The following R3HCC1L variants were observed in gnomAD, a reference collection of about 807,000 sequenced individuals.
R3HCC1L encodes the protein R3H domain and coiled-coil containing 1 like, also known as coiled-coil domain-containing protein R3HCC1L.
Under a neutral mutation model 59.9 loss-of-function variants are expected in R3HCC1L, and 51 were observed. The ratio of observed to expected loss-of-function variants is 0.85; its 90% CI spans 0.68 to 1.07. The LOEUF (loss-of-function observed/expected upper bound fraction) is 1.07, where lower values mean the gene tolerates loss of function less well. Among genes scored for constraint, R3HCC1L ranks in the 50% least tolerant of loss-of-function variants. The pLI is 0.00. For synonymous variants in R3HCC1L, 322 were observed against 315.2 expected, an observed-to-expected ratio of 1.02 and a Z score of -0.23; for missense variants, 965 against 933.0, an observed-to-expected ratio of 1.03 and a Z score of -0.45.
chr10:98,198,862 A>T (rs1308789320), intron 4 of R3HCC1L, among the ~76,000 whole-genome samples: 1 of 152,230 alleles, frequency 6.6e-6, no homozygotes, highest in East Asian at 1.9e-4. Flanking sequence ...ACCAGTGCTA[A>T]CCCATTAGAA....
chr10:98,174,981 C>T (rs568725061), intron 4 of R3HCC1L, among the ~76,000 whole-genome samples: 6 of 152,154 alleles, frequency 3.9e-5, no homozygotes, highest in South Asian at 4.2e-4. Context: ...TGTATCTACC[C>T]GAGTGCAGTG....
At chr10:98,149,175 A>G (rs966399218) in intron 1 of R3HCC1L, among the ~76,000 whole-genome samples, 1 of 152,100 alleles carries the variant, frequency 6.6e-6, no homozygotes, top group Non-Finnish European at 1.5e-5. Context: ...AATAGTCTCT[A>G]ATGATTCTTT....
chr10:98,181,704 T>C (rs1303173975), intron 4 of R3HCC1L, among the ~76,000 whole-genome samples: 1 of 152,176 alleles, frequency 6.6e-6, no homozygotes, highest in Non-Finnish European at 1.5e-5. Context: ...TCCTGGAGCC[T>C]TTGTTCATTT....
intron 4 of R3HCC1L, among the ~76,000 whole-genome samples, chr10:98,201,535 C>T (rs1852046215): frequency 6.6e-6 from 1 of 152,198 alleles, no homozygotes; most frequent in Non-Finnish European, 1.5e-5. Context: ...TATTTTCCTT[C>T]CGTACCCTCC....
intron 4 of R3HCC1L, among the ~76,000 whole-genome samples, chr10:98,203,097 GTTAAA>G (rs893764550): frequency 1.3e-5 from 2 of 152,144 alleles, no homozygotes; most frequent in African/African-American, 4.8e-5. Context: ...TTATATTAGT[GTTAAA>G]TATGCTGACT....
Position 98,231,654 on chromosome 10 carries a change from C to G in R3HCC1L, c.1928C>G (p.Thr643Ser). ...TATGACTTTCCCCAAGAATTTCATA[C>G]TGAAGACCTTCTACGGGTTTTCTGC... ...EIYDFPQEFH[T>S]EDLLRVFCSY... The change falls in exon 6 of 10, where the codon ACT (threonine) becomes AGT (serine). Residue 643 changes from threonine to serine, a missense_variant. Transcript: ENST00000298999. The G allele has an allele frequency of 6.2e-7, 1 of 1,611,902 alleles. No homozygotes were observed. Among genetic ancestry groups the G allele is most frequent in the Non-Finnish European group, 8.5e-7 (1 of 1,178,480 alleles).
intron 1 of R3HCC1L, among the ~76,000 whole-genome samples, chr10:98,149,421 T>C (rs976127395): frequency 6.6e-6 from 1 of 152,216 alleles, no homozygotes; most frequent in Non-Finnish European, 1.5e-5. Flanking sequence ...CTTTTCTAGT[T>C]CTTTGAGGCA....
At chr10:98,202,783 G>A (rs181130354) in intron 4 of R3HCC1L, among the ~76,000 whole-genome samples, 24 of 151,856 alleles carry the variant, frequency 1.6e-4, no homozygotes, top group African/African-American at 2.9e-4. Context: ...TTGAACCTGC[G>A]AGGCGGAGGT....
intron 2 of R3HCC1L, among the ~76,000 whole-genome samples, chr10:98,160,554 T>C (rs1282931227): frequency 6.6e-6 from 1 of 152,246 alleles, no homozygotes; most frequent in African/African-American, 2.4e-5. Flanking sequence ...GTTCAAAAGT[T>C]ACTTGGATTA....
chr10:98,165,186 CCAGG>C (rs1338162617), intron 4 of R3HCC1L, among the ~76,000 whole-genome samples: 1 of 152,294 alleles, frequency 6.6e-6, no homozygotes, highest in Admixed American at 6.5e-5. Flanking sequence ...CTTGCTTGAG[CCAGG>C]CAGGCGGATG....
intron 5 of R3HCC1L, among the ~76,000 whole-genome samples, chr10:98,226,023 T>C (rs1448085917): frequency 6.6e-6 from 1 of 152,172 alleles, no homozygotes; most frequent in Admixed American, 6.5e-5. Flanking sequence ...ATGTTTTGTA[T>C]TTTTTGTAGA....
At chr10:98,168,749 A>C (rs910789242) in intron 4 of R3HCC1L, among the ~76,000 whole-genome samples, 1 of 152,180 alleles carries the variant, frequency 6.6e-6, no homozygotes, top group Non-Finnish European at 1.5e-5. Context: ...TTTGATGTAC[A>C]GGTTTCTTCT....
At chr10:98,227,743 C>A (rs977555177) in intron 5 of R3HCC1L, among the ~76,000 whole-genome samples, 1 of 151,800 alleles carries the variant, frequency 6.6e-6, no homozygotes, top group East Asian at 1.9e-4. Flanking sequence ...TCCCCCACCC[C>A]ACAACAGGCC....
chr10:98,197,039 C>T (rs1328114206), intron 4 of R3HCC1L, among the ~76,000 whole-genome samples: 2 of 152,060 alleles, frequency 1.3e-5, no homozygotes, highest in South Asian at 2.1e-4. Context: ...ACTTCAGCCT[C>T]CCAGGTTCAA....
intron 9 of R3HCC1L, among the ~76,000 whole-genome samples, chr10:98,242,701 T>C (rs951524569): frequency 2.6e-5 from 4 of 152,106 alleles, no homozygotes; most frequent in Admixed American, 2.6e-4. Context: ...AAAATTGGAG[T>C]TCTAATAATT....
intron 4 of R3HCC1L, among the ~76,000 whole-genome samples, chr10:98,197,214 C>G (rs374507253): frequency 6.6e-6 from 1 of 152,028 alleles, no homozygotes; most frequent in Non-Finnish European, 1.5e-5. Flanking sequence ...CATGCCCCCC[C>G]CTCCACCCCT....
At chr10:98,220,155 C>T (rs900190394) in intron 5 of R3HCC1L, among the ~76,000 whole-genome samples, 7 of 151,898 alleles carry the variant, frequency 4.6e-5, no homozygotes, top group Non-Finnish European at 1.0e-4. Flanking sequence ...TCTGCTATTG[C>T]CCTCAATTGT....
intron 1 of R3HCC1L, 150 bp downstream of exon 1, chr10:98,134,856 G>C (rs937730725): frequency 1.3e-5 from 2 of 152,256 alleles, no homozygotes; most frequent in South Asian, 4.1e-4. Flanking sequence ...GCCGCCCCCT[G>C]CCTGGGGCGG....
chr10:98,165,900 G>A (rs1314460375), intron 4 of R3HCC1L, among the ~76,000 whole-genome samples: 3 of 152,210 alleles, frequency 2.0e-5, no homozygotes, highest in African/African-American at 7.2e-5. Flanking sequence ...GACCAGGTGC[G>A]ATGGCTCATG....
Sources: gnomAD v4.1 joint callset for allele counts (sites outside exome capture counted in the v4.1 genomes callset) on GRCh38, gnomAD v4.1.1 for gene constraint, MANE v1.5 for transcripts, NCBI Gene and HGNC (gene_info 2026-07-23, HGNC 2026-07-21) for gene names.